The following ZFP64 variants were observed in gnomAD, a reference collection of about 807,000 sequenced individuals.
ZFP64 encodes the protein ZFP64 zinc finger protein.
In ZFP64, 14 loss-of-function variants were observed where a neutral mutation model predicts 51.6. The observed-to-expected ratio is 0.27, with a 90% CI of 0.18 to 0.42. The LOEUF is 0.42. ZFP64 is among the 10% of genes least tolerant of loss of function. The pLI, the probability that ZFP64 is intolerant of heterozygous loss-of-function variation, is 1.00. For missense variants in ZFP64, 754 were observed against 906.8 expected (o/e 0.83, Z 2.16); for synonymous variants, 375 against 361.4 (o/e 1.04, Z -0.43).
At chr20:52,173,505 T>C (rs1982919215) in intron 2 of ZFP64, among the ~76,000 whole-genome samples, 1 of 152,166 alleles carries the variant, frequency 6.6e-6, no homozygotes, top group Non-Finnish European at 1.5e-5. Context: ...GAAGGATGGC[T>C]TAAGCTCAGG....
rs1279713045 is a variant in ZFP64, at chr20:52,085,285, T to C, written c.1229-19A>G. The C allele has an allele frequency of 6.9e-6, 11 of 1,592,044 alleles. No homozygotes were observed. Among genetic ancestry groups the C allele is most frequent in the South Asian group, 1.1e-5 (1 of 86,994 alleles). On this transcript the variant is annotated intron_variant, in intron 8 of 8. Transcript: ENST00000361387. The surrounding 1 kb of genome is among the most constrained non-coding windows in gnomAD (Gnocchi z 4.3). ...GTATCCCCTAGCAATGGAAGGTGTGTTTCCATTAGAACAGGCAGGCAAAAC... is the reference window on the plus strand; with the variant it reads ...GTATCCCCTAGCAATGGAAGGTGTGCTTCCATTAGAACAGGCAGGCAAAAC...
intron 2 of ZFP64, among the ~76,000 whole-genome samples, chr20:52,179,128 A>C (rs1373454510): frequency 6.6e-6 from 1 of 152,184 alleles, no homozygotes; most frequent in Admixed American, 6.5e-5. Context: ...CTTGTGATAG[A>C]GAATGAGTCT....
chr20:52,102,107 C>CAAAAAAAAAAAAAAGAAAAAA (rs2079058326), intron 5 of ZFP64, among the ~76,000 whole-genome samples: 1 of 63,438 alleles, frequency 1.6e-5, no homozygotes, highest in Non-Finnish European at 3.1e-5. Flanking sequence ...ACTCCATCTC[C>CAAAAAAAAAAAAAAGAAAAAA]AAAAAAAAAA....
In ZFP64 at chr20:52,155,391, C is replaced by T. The variant is rs191912432; in HGVS notation, c.764-1963G>A. Among the ~76,000 whole-genome samples, 623 of 147,540 alleles carry T rather than the reference C, an allele frequency of 4.2e-3. 8 individuals carry two copies. The highest frequency in any genetic ancestry group is 4.8e-3 in the Non-Finnish European group (324 of 68,004). On this transcript the variant is annotated intron_variant, in intron 5 of 5. Transcript: ENST00000216923. ...TTCCCCACCCCCATTCAAGGACCTC[C>T]TTCCCAAATCTACTCATGGATTTCT...
intron 5 of ZFP64, among the ~76,000 whole-genome samples, chr20:52,100,404 C>T (rs1489400177): frequency 1.3e-5 from 2 of 152,108 alleles, no homozygotes; most frequent in African/African-American, 4.8e-5. Context: ...CGCCACCACG[C>T]CTGCCTAATT....
intron 5 of ZFP64, among the ~76,000 whole-genome samples, chr20:52,130,673 T>C (rs1979681478): frequency 6.6e-6 from 1 of 152,192 alleles, no homozygotes; most frequent in Non-Finnish European, 1.5e-5. Flanking sequence ...TTAGGGCTGA[T>C]GGCCATGTGA....
At chr20:52,105,093 C>A in intron 5 of ZFP64, 1 of 1,391,328 alleles carries the variant, frequency 7.2e-7, no homozygotes, top group Non-Finnish European at 9.2e-7. Context: ...TGAGCACCGG[C>A]CCCCAGCCCC....
rs896174403 is a variant in ZFP64 at position 52,152,491 on chromosome 20, C to A, written c.1701G>T (p.Pro567=). The A allele has an allele frequency of 5.6e-6, 9 of 1,610,444 alleles. No individual in the cohort carries two copies. In the African/African-American group the frequency reaches 1.1e-4, roughly 19 times the overall value. ...CPSEAGAMTQ[P]AVLLTTHEQT... ...GCTCGTGGGTGGTCAGCAGGACAGCCGGCTGGGTCATTGCGCCCGCCTCGC... is the reference window on the plus strand; with the variant it reads ...GCTCGTGGGTGGTCAGCAGGACAGCAGGCTGGGTCATTGCGCCCGCCTCGC... Residue 567 remains proline, a synonymous_variant, in exon 6 of 6, where the codon CCG becomes CCT. Transcript: ENST00000216923.
chr20:52,150,676 T>C (rs1486526330), downstream of ZFP64, among the ~76,000 whole-genome samples: 1 of 152,200 alleles, frequency 6.6e-6, no homozygotes, highest in Non-Finnish European at 1.5e-5. Context: ...ATAAAAGTGG[T>C]AGAAATGTAT....
In ZFP64 at chr20:52,151,378, A is replaced by G; in HGVS notation, c.*768T>C. The G allele has an allele frequency of 5.1e-6, 5 of 985,418 alleles. No homozygotes were observed. Among genetic ancestry groups the G allele is most frequent in the Non-Finnish European group, 6.0e-6 (5 of 829,924 alleles). The allele number at this position is 985,418 out of a possible 1,614,324, so 61.0% of individuals were successfully genotyped here. A position where few individuals can be genotyped will look rare whatever the true frequency, so the allele number is the denominator to read the frequency against. ...GTCAAGTATCCATGTCATATTATGT[A>G]GAAAATGGTCCTTCATGCCAACAGA... On this transcript the variant is annotated 3_prime_UTR_variant, in exon 6 of 6. Coordinates refer to ENST00000216923, the MANE Select transcript of ZFP64 (RefSeq NM_018197.3).
At chr20:52,156,244 G>A (rs900723657) in intron 5 of ZFP64, among the ~76,000 whole-genome samples, 6 of 152,030 alleles carry the variant, frequency 3.9e-5, no homozygotes, top group Non-Finnish European at 8.8e-5. Context: ...CCTTTAGCAC[G>A]GCCTCTGCCA....
intron 5 of ZFP64, among the ~76,000 whole-genome samples, chr20:52,121,788 A>G (rs1979202127): frequency 6.6e-6 from 1 of 152,242 alleles, no homozygotes. Flanking sequence ...TAGGACATTC[A>G]TAGCTAGAGA....
At chr20:52,168,364 T>A (rs1250175994) in intron 2 of ZFP64, among the ~76,000 whole-genome samples, 1 of 152,234 alleles carries the variant, frequency 6.6e-6, no homozygotes, top group Non-Finnish European at 1.5e-5. Context: ...ATTTGCTCTG[T>A]GGGATCTGGC....
At chr20:52,145,047 ATT>A (rs1287154056) in intron 5 of ZFP64, among the ~76,000 whole-genome samples, 1 of 152,224 alleles carries the variant, frequency 6.6e-6, no homozygotes, top group Non-Finnish European at 1.5e-5. Flanking sequence ...TAGTCAAACT[ATT>A]TCAGGTCACC....
chr20:52,126,308 C>G (rs1423559803), intron 5 of ZFP64, among the ~76,000 whole-genome samples: 1 of 152,216 alleles, frequency 6.6e-6, no homozygotes, highest in Non-Finnish European at 1.5e-5. Context: ...TTATTTCACG[C>G]ATCTGGGTCA....
chr20:52,116,958 T>A (rs1978906357), intron 5 of ZFP64, among the ~76,000 whole-genome samples: 1 of 151,790 alleles, frequency 6.6e-6, no homozygotes, highest in Non-Finnish European at 1.5e-5. Flanking sequence ...TAGTCCCAGC[T>A]ACTCAGGAGG....
intron 5 of ZFP64, among the ~76,000 whole-genome samples, chr20:52,100,304 G>A (rs993279790): frequency 3.3e-5 from 5 of 152,056 alleles, no homozygotes; most frequent in African/African-American, 7.3e-5. Context: ...GGAGTGCAGT[G>A]GTACCATCTC....
At chr20:52,090,142 C>T (rs763364407) in intron 7 of ZFP64, among the ~76,000 whole-genome samples, 4 of 152,132 alleles carry the variant, frequency 2.6e-5, no homozygotes, top group African/African-American at 4.8e-5. Flanking sequence ...GACAGCCATG[C>T]ATCTTATTTA....
downstream of ZFP64, among the ~76,000 whole-genome samples, chr20:52,146,599 G>A (rs1180374028): frequency 3.3e-5 from 5 of 150,188 alleles, no homozygotes; most frequent in African/African-American, 1.2e-4. Context: ...GGAGGGGAGA[G>A]GGATAGCATT....
Sources: gnomAD v4.1 joint callset for allele counts (sites outside exome capture counted in the v4.1 genomes callset) on GRCh38, gnomAD v4.1.1 for gene constraint, Gnocchi (gnomAD v3.1) non-coding constraint, MANE v1.5 for transcripts, NCBI Gene and HGNC (gene_info 2026-07-23, HGNC 2026-07-21) for gene names.